Variants in NEDD4L observed in about 807,000 individuals in gnomAD.
NEDD4L encodes the protein NEDD4 like E3 ubiquitin protein ligase.
Under a neutral mutation model 148.9 loss-of-function variants are expected in NEDD4L, and 54 were observed. That is an observed-to-expected ratio of 0.36 (90% CI 0.29 to 0.45). NEDD4L has a LOEUF of 0.45. Ranked by LOEUF, NEDD4L falls within the 20% of genes least tolerant of loss-of-function variation. The pLI is 1.00. For synonymous variants in NEDD4L, 433 were observed against 440.7 expected (o/e 0.98, Z 0.22); for missense variants, 856 against 1,233.8 (o/e 0.69, Z 4.59).
At chr18:58,269,832 C>T (rs2050770082) in intron 5 of NEDD4L, among the ~76,000 whole-genome samples, 1 of 149,644 alleles carries the variant, frequency 6.7e-6, no homozygotes, top group Non-Finnish European at 1.5e-5. Context: ...CATGGTTCCT[C>T]TTTCTAGAGG....
chr18:58,165,782 T>C lies in NEDD4L; in HGVS notation c.49-6T>C, dbSNP rs375043092. The stretch of plus-strand genomic sequence containing the variant: ...TTAACCTCTTTTTTTGTTCTCCTTC[T>C]CACAGGGAGAGTCCCGTATTCTCAG... On this transcript the variant is annotated splice_polypyrimidine_tract_variant and splice_region_variant and intron_variant, in intron 1 of 30. Coordinates refer to ENST00000400345, the MANE Select transcript of NEDD4L (RefSeq NM_001144967.3). 150 of 1,608,872 alleles carry C rather than the reference T, an allele frequency of 9.3e-5. 1 individual carries two copies. In the African/African-American group the frequency reaches 1.7e-3, roughly 18 times the overall value.
At position 58,396,305 on chromosome 18, in the gene NEDD4L, AAGTTCTGCTT is replaced by A; in HGVS notation, c.*37_*46del. 7.0e-7 allele frequency: 1 copy of A among 1,423,896 alleles called. No homozygotes were observed. Among genetic ancestry groups the A allele is most frequent in the Non-Finnish European group, 9.9e-7 (1 of 1,014,708 alleles). 88.2% of individuals were successfully genotyped at this position (1,423,896 alleles called of 1,614,324 possible). ...CCTCGGGGGTGGTTGTTCTTCAAGC[AAGTTCTGCTT>A]GCACTTTTGCATTTGCCTAACAGAC... On this transcript the variant is annotated 3_prime_UTR_variant, in exon 31 of 31. Coordinates refer to ENST00000400345, the MANE Select transcript of NEDD4L (RefSeq NM_001144967.3).
intron 5 of NEDD4L, among the ~76,000 whole-genome samples, chr18:58,280,484 C>T (rs1174743493): frequency 2.6e-5 from 4 of 152,152 alleles, no homozygotes; most frequent in Non-Finnish European, 5.9e-5. Context: ...CCGGGCGAGG[C>T]TGGGTGCGAA....
intron 18 of NEDD4L, among the ~76,000 whole-genome samples, chr18:58,355,219 A>T (rs1382999297): frequency 6.6e-6 from 1 of 152,208 alleles, no homozygotes; most frequent in South Asian, 2.1e-4. Flanking sequence ...AGTTCAGGGA[A>T]AAAAAATGAG....
At chr18:58,180,172 C>A (rs2038684715) in intron 2 of NEDD4L, among the ~76,000 whole-genome samples, 1 of 152,184 alleles carries the variant, frequency 6.6e-6, no homozygotes, top group East Asian at 1.9e-4. Context: ...TGACGCCCTG[C>A]AACGCATCCC....
chr18:58,156,805 G>A (rs1290386266), intron 1 of NEDD4L, among the ~76,000 whole-genome samples: 1 of 152,024 alleles, frequency 6.6e-6, no homozygotes, highest in South Asian at 2.1e-4. Context: ...ACCTCATAAC[G>A]GAAAATGGCT....
At chr18:58,133,999 AT>A (rs2032507908) in intron 1 of NEDD4L, among the ~76,000 whole-genome samples, 1 of 151,870 alleles carries the variant, frequency 6.6e-6, no homozygotes, top group Non-Finnish European at 1.5e-5. Context: ...CTTTATTTTT[AT>A]TTTTTATTTT....
intron 1 of NEDD4L, among the ~76,000 whole-genome samples, chr18:58,127,542 T>TAA (rs879413031): frequency 1.4e-5 from 2 of 141,724 alleles, no homozygotes; most frequent in African/African-American, 2.6e-5. Context: ...CACCTTTATT[T>TAA]AAAAAAAAAA....
At chr18:58,259,967 C>A (rs999807212) in intron 5 of NEDD4L, among the ~76,000 whole-genome samples, 1 of 152,056 alleles carries the variant, frequency 6.6e-6, no homozygotes, top group Admixed American at 6.6e-5. Context: ...TTTTAATATA[C>A]GGCCATTTTT....
intron 27 of NEDD4L, chr18:58,387,933 A>ACC (rs2049265546): frequency 6.5e-6 from 1 of 153,162 alleles, no homozygotes; most frequent in Admixed American, 6.5e-5. Flanking sequence ...ATCCCCATCC[A>ACC]CCCCCACCGT....
intron 18 of NEDD4L, among the ~76,000 whole-genome samples, chr18:58,355,802 CTTTT>C (rs58183149): frequency 7.7e-6 from 1 of 130,100 alleles, no homozygotes. Flanking sequence ...GCTTTGGTAG[CTTTT>C]TTTTTTTTTT....
intron 2 of NEDD4L, among the ~76,000 whole-genome samples, chr18:58,186,124 C>T (rs972235861): frequency 2.0e-5 from 3 of 152,020 alleles, no homozygotes; most frequent in African/African-American, 7.3e-5. Flanking sequence ...GAGAAGGATG[C>T]ACAAGAACAT....
chr18:58,044,407 C>G lies in NEDD4L; in HGVS notation c.-254C>G. ...GCAGTGAGAGGCGCCGGGGCTGCCG[C>G]CCGGTGCTCGGCGCGCTCTCGGGAG... On this transcript the variant is annotated 5_prime_UTR_variant, in exon 1 of 31. Coordinates refer to ENST00000400345, the MANE Select transcript of NEDD4L (RefSeq NM_001144967.3). The G allele has an allele frequency of 3.7e-6, 1 of 270,122 alleles. No individual in the cohort carries two copies. Among genetic ancestry groups the G allele is most frequent in the Non-Finnish European group, 6.7e-6 (1 of 149,746 alleles). 16.7% of individuals were successfully genotyped at this position (270,122 alleles called of 1,614,324 possible). A position where few individuals can be genotyped will look rare whatever the true frequency, so the allele number is the denominator to read the frequency against.
chr18:58,063,337 A>G (rs986258727), intron 1 of NEDD4L, among the ~76,000 whole-genome samples: 1 of 151,994 alleles, frequency 6.6e-6, no homozygotes, highest in African/African-American at 2.4e-5. Context: ...ATTTATTGTC[A>G]TGAGCCACCA....
chr18:58,219,944 A>AT (rs1241599788), intron 2 of NEDD4L, among the ~76,000 whole-genome samples: 11 of 152,144 alleles, frequency 7.2e-5, no homozygotes, highest in Non-Finnish European at 8.8e-5. Context: ...TGTGGTTCTT[A>AT]TTTTTTTAAC....
Position 58,398,235 on chromosome 18 carries a change from G to A in NEDD4L, c.*1966G>A, listed in dbSNP as rs989343925. On this transcript the variant is annotated 3_prime_UTR_variant, in exon 31 of 31. Coordinates refer to ENST00000400345, the MANE Select transcript of NEDD4L (RefSeq NM_001144967.3). ...TTTGACTATTGGTGAGATGTTTTCC[G>A]CTACAGTTAACATGACAAATGTCTC... 11 of 130,466 alleles carry A rather than the reference G, an allele frequency of 8.4e-5. No individual in the cohort carries two copies. Among genetic ancestry groups the A allele is most frequent in the Admixed American group, 5.1e-4 (6 of 11,816 alleles). 8.1% of individuals were successfully genotyped at this position (130,466 alleles called of 1,614,324 possible). A position where few individuals can be genotyped will look rare whatever the true frequency, so the allele number is the denominator to read the frequency against.
At chr18:58,380,978 G>A (rs1191746442) in intron 24 of NEDD4L, among the ~76,000 whole-genome samples, 1 of 152,126 alleles carries the variant, frequency 6.6e-6, no homozygotes, top group Non-Finnish European at 1.5e-5. Flanking sequence ...ACCATGCCCT[G>A]TTGGTAGACG....
intron 6 of NEDD4L, among the ~76,000 whole-genome samples, chr18:58,320,273 A>G (rs592444): frequency 6.6e-6 from 1 of 152,044 alleles, no homozygotes; most frequent in Non-Finnish European, 1.5e-5. Flanking sequence ...CTACCTCTCA[A>G]AGCCTTCCCA....
intron 1 of NEDD4L, chr18:58,165,544 C>A: frequency 1.9e-6 from 1 of 538,302 alleles, no homozygotes; most frequent in Non-Finnish European, 2.4e-6. Flanking sequence ...ATCTTAATGA[C>A]TTACTTTGAA....
Sources: allele counts gnomAD v4.1 joint callset (sites outside exome capture counted in the v4.1 genomes callset), GRCh38; gene constraint gnomAD v4.1.1; transcripts MANE v1.5; gene names NCBI Gene and HGNC (gene_info 2026-07-23, HGNC 2026-07-21).